Variants in RAB33B observed in about 807,000 individuals in gnomAD.
The protein encoded by RAB33B is RAB33B, member RAS oncogene family.
Under a neutral mutation model 15.0 loss-of-function variants are expected in RAB33B, and 6 were observed. The observed-to-expected ratio is 0.40, with a 90% CI of 0.22 to 0.79. The LOEUF is 0.79. RAB33B is among the 30% of genes least tolerant of loss of function. RAB33B has a pLI of 0.37. For missense variants in RAB33B, 257 were observed against 296.4 expected, an observed-to-expected ratio of 0.87 and a Z score of 0.98; for synonymous variants, 117 against 108.3, an observed-to-expected ratio of 1.08 and a Z score of -0.50.
At chr4:139,439,288 C>T in the RAB33B span, among the ~76,000 whole-genome samples, 1 of 152,230 alleles carries the variant, frequency 6.6e-6, no homozygotes, top group African/African-American at 2.4e-5. Flanking sequence ...GCGTGAGCCA[C>T]TGTGCCTGGC....
the RAB33B span, among the ~76,000 whole-genome samples, chr4:139,442,584 G>GA: frequency 6.6e-6 from 1 of 152,204 alleles, no homozygotes; most frequent in Non-Finnish European, 1.5e-5. Context: ...AAAGCAGGCA[G>GA]AAAAAACGTG....
At chr4:139,463,772 C>T (rs544250093) in intron 1 of RAB33B, among the ~76,000 whole-genome samples, 1 of 152,288 alleles carries the variant, frequency 6.6e-6, no homozygotes, top group South Asian at 2.1e-4. Context: ...GTTGTCCTGT[C>T]GTGTATTGGC....
chr4:139,450,407 T>G (rs1021566480), upstream of RAB33B: 27 of 152,248 alleles, frequency 1.8e-4, no homozygotes, highest in African/African-American at 6.5e-4. Context: ...TAATTCCCAC[T>G]ATCAACTGGG....
intron 1 of RAB33B, among the ~76,000 whole-genome samples, chr4:139,471,410 G>C (rs1032051611): frequency 2.0e-5 from 3 of 152,152 alleles, no homozygotes; most frequent in Non-Finnish European, 4.4e-5. Context: ...GGGTGCAGGG[G>C]GTGGGTGTTG....
At position 139,472,731 on chromosome 4, in the gene RAB33B, A is replaced by G. The variant is rs1750413902; in HGVS notation, c.295A>G (p.Met99Val). The G allele has an allele frequency of 2.5e-6, 4 of 1,610,590 alleles. No homozygotes were observed. Among genetic ancestry groups the G allele is most frequent in the Non-Finnish European group, 2.5e-6 (3 of 1,176,984 alleles). Reference sequence around the variant, plus strand: ...AGGACAAGAACGATTCAGAAAGAGCATGGTTCAGCACTACTACAGAAATGT... The same window carrying G: ...AGGACAAGAACGATTCAGAAAGAGCGTGGTTCAGCACTACTACAGAAATGT... ...TAGQERFRKS[M>V]VQHYYRNVHA... The change falls in exon 2 of 2, where the codon ATG becomes GTG. Residue 99 changes from methionine to valine, a missense_variant. By Grantham distance (21) the Met-to-Val change is conservative (BLOSUM62 1). Coordinates refer to ENST00000305626, the MANE Select transcript of RAB33B (RefSeq NM_031296.3).
chr4:139,454,287 C>T lies in RAB33B; in HGVS notation c.92C>T (p.Ser31Phe), dbSNP rs1317573710. The change falls in exon 1 of 2, where the codon TCC (serine) becomes TTC (phenylalanine). Residue 31 changes from serine to phenylalanine, a missense_variant. Transcript: ENST00000305626. Reference protein sequence around the residue: ...GASGFLPPARSRIFKIIVIGD... With the variant: ...GASGFLPPARFRIFKIIVIGD... ...TCAGGGTTTTTGCCTCCTGCCCGCT[C>T]CCGCATCTTCAAGATAATCGTGATC... is the stretch of plus-strand genomic sequence containing the variant. 7 of 1,614,030 alleles carry T rather than the reference C, an allele frequency of 4.3e-6. No homozygotes were observed. Among genetic ancestry groups the T allele is most frequent in the Non-Finnish European group, 5.9e-6 (7 of 1,180,034 alleles).
At chr4:139,449,929 G>A (rs571712976), upstream of RAB33B, 25 of 152,316 alleles carry the variant, frequency 1.6e-4, no homozygotes, top group African/African-American at 6.0e-4. Flanking sequence ...AGTGGGCAGA[G>A]CCATTTTTAA....
intron 1 of RAB33B, 60 bp downstream of exon 1, chr4:139,454,504 G>C (rs1750024539): frequency 6.4e-7 from 1 of 1,565,238 alleles, no homozygotes; most frequent in Non-Finnish European, 8.6e-7. Context: ...CCCCACCGTG[G>C]GCTGGTCGCT....
rs1194929848 is a variant in RAB33B, at chr4:139,473,779, T to C, written c.*653T>C. 1 of 152,204 alleles carries C rather than the reference T, an allele frequency of 6.6e-6. No individual in the cohort carries two copies. Among genetic ancestry groups the C allele is most frequent in the East Asian group, 1.9e-4 (1 of 5,202 alleles). 9.4% of individuals were successfully genotyped at this position (152,204 alleles called of 1,614,324 possible). ...GGATAAGAAGGCATAGAATGTTTTC[T>C]GGTTCCCAGTCCATAAAGAATGACT... On this transcript the variant is annotated 3_prime_UTR_variant, in exon 2 of 2. Transcript: ENST00000305626.
chr4:139,452,082 A>T (rs1046172873), upstream of RAB33B: 3 of 152,234 alleles, frequency 2.0e-5, no homozygotes, highest in Admixed American at 6.5e-5. Flanking sequence ...AAGTGCCAAC[A>T]ATGATTTTTA....
intron 1 of RAB33B, among the ~76,000 whole-genome samples, chr4:139,459,839 G>A (rs1276177208): frequency 1.3e-5 from 2 of 151,964 alleles, no homozygotes; most frequent in African/African-American, 4.8e-5. Context: ...TCACCATGTT[G>A]GCCAGGCTGG....
At chr4:139,447,057 A>G in the RAB33B span, among the ~76,000 whole-genome samples, 1 of 152,192 alleles carries the variant, frequency 6.6e-6, no homozygotes, top group South Asian at 2.1e-4. Flanking sequence ...CTGTGGACTC[A>G]CAGAATGTCT....
chr4:139,464,712 A>G (rs555610331), intron 1 of RAB33B, among the ~76,000 whole-genome samples: 18 of 152,346 alleles, frequency 1.2e-4, no homozygotes, highest in Middle Eastern at 3.4e-3. Flanking sequence ...TACAAAGGAC[A>G]TGAACTCATC....
At chr4:139,472,596 A>AT in intron 1 of RAB33B, 90 bp from the exon 2 acceptor site, 1 of 945,790 alleles carries the variant, frequency 1.1e-6, no homozygotes, top group South Asian at 1.8e-5. Flanking sequence ...AAGTGAAGAG[A>AT]TAATAAAGAC....
At chr4:139,454,755 A>G (rs1001260546) in intron 1 of RAB33B, among the ~76,000 whole-genome samples, 1 of 152,028 alleles carries the variant, frequency 6.6e-6, no homozygotes, top group Non-Finnish European at 1.5e-5. Flanking sequence ...TGTAGGGCTT[A>G]TCTACCGACC....
chr4:139,441,673 A>G, the RAB33B span, among the ~76,000 whole-genome samples: 1 of 152,264 alleles, frequency 6.6e-6, no homozygotes, highest in Non-Finnish European at 1.5e-5. Context: ...TTTTTAACTT[A>G]CAACGGGTTT....
the RAB33B span, among the ~76,000 whole-genome samples, chr4:139,443,941 CTT>C: frequency 1.3e-5 from 2 of 152,174 alleles, no homozygotes. Flanking sequence ...CCCCAATACC[CTT>C]GTTTGCTTCT....
chr4:139,457,146 C>G (rs938165308), intron 1 of RAB33B, among the ~76,000 whole-genome samples: 2 of 152,162 alleles, frequency 1.3e-5, no homozygotes, highest in Non-Finnish European at 2.9e-5. Context: ...AACAACAGTG[C>G]CCTTTCAGAA....
chr4:139,462,874 C>A (rs1441566715), intron 1 of RAB33B, among the ~76,000 whole-genome samples: 1 of 152,096 alleles, frequency 6.6e-6, no homozygotes, highest in Non-Finnish European at 1.5e-5. Context: ...AGGAATACTG[C>A]CTTTAAAATG....
Sources: gnomAD v4.1 joint callset for allele counts (sites outside exome capture counted in the v4.1 genomes callset) on GRCh38, gnomAD v4.1.1 for gene constraint, MANE v1.5 for transcripts, NCBI Gene and HGNC (gene_info 2026-07-23, HGNC 2026-07-21) for gene names.